The following BMPR1B variants were observed in gnomAD, a reference collection of about 807,000 sequenced individuals.
The protein encoded by BMPR1B is bone morphogenetic protein receptor type-1B.
BMPR1B carries 12 observed loss-of-function variants against 59.1 expected under a neutral mutation model. The ratio of observed to expected loss-of-function variants is 0.20; its 90% CI spans 0.13 to 0.33. The LOEUF (loss-of-function observed/expected upper bound fraction) is 0.33, where lower values mean the gene tolerates loss of function less well. Among genes scored for constraint, BMPR1B ranks in the 10% least tolerant of loss-of-function variants. The pLI is 1.00. For synonymous variants in BMPR1B, 237 were observed against 207.3 expected (o/e 1.14, Z -1.23); for missense variants, 550 against 610.9 (o/e 0.90, Z 1.05).
In BMPR1B at chr4:94,890,147, T is replaced by C. The variant is rs551181916; in HGVS notation, c.-113+14247T>C. 2.6e-5 allele frequency among the ~76,000 whole-genome samples: 4 copies of C among 152,204 alleles called. No individual in the cohort carries two copies. The East Asian group carries it at 7.8e-4, about 30-fold the overall frequency. Reference sequence around the variant, plus strand: ...TGGTCAAGGGATTTATTATGAAATGTACTAAATCTTGGCGTGGAGCTAATT... The same window carrying C: ...TGGTCAAGGGATTTATTATGAAATGCACTAAATCTTGGCGTGGAGCTAATT... On this transcript the variant is annotated intron_variant, in intron 2 of 12. Transcript: ENST00000515059.
chr4:95,155,158 TGGAGGA>T lies in BMPR1B; in HGVS notation c.*486_*491del. 5.7e-6 allele frequency: 1 copy of T among 175,946 alleles called. No individual in the cohort carries two copies. The highest frequency in any genetic ancestry group is 1.3e-4 in the South Asian group (1 of 7,662). The allele number at this position is 175,946 out of a possible 1,614,324, so 10.9% of individuals were successfully genotyped here. On this transcript the variant is annotated 3_prime_UTR_variant, in exon 13 of 13. Coordinates refer to ENST00000515059, the MANE Select transcript of BMPR1B (RefSeq NM_001203.3). ...CTGTGAACCAAAAGACAGTCTAAGTTGGAGGACATAGAACGGAACTCATCTTAAACA... is the reference window on the plus strand; with the variant it reads ...CTGTGAACCAAAAGACAGTCTAAGTTCATAGAACGGAACTCATCTTAAACA...
At chr4:94,907,797 C>G (rs756262149) in intron 2 of BMPR1B, among the ~76,000 whole-genome samples, 4 of 151,784 alleles carry the variant, frequency 2.6e-5, no homozygotes, top group Non-Finnish European at 5.9e-5. Flanking sequence ...TGGGAAACCT[C>G]TGTGTCCTCA....
chr4:94,837,495 TG>T (rs1274358710), intron 1 of BMPR1B, among the ~76,000 whole-genome samples: 1 of 145,358 alleles, frequency 6.9e-6, no homozygotes, highest in Non-Finnish European at 1.5e-5. Flanking sequence ...GTTGGATTCC[TG>T]GGTATTTTAT....
At chr4:95,055,408 A>C (rs1418206019) in intron 3 of BMPR1B, among the ~76,000 whole-genome samples, 1 of 152,194 alleles carries the variant, frequency 6.6e-6, no homozygotes, top group East Asian at 1.9e-4. Context: ...GTTTTTGGTA[A>C]TATTTTAAGT....
rs1733184595 is a variant in BMPR1B, at chr4:95,129,832, A to G, written c.586-30A>G. ...TAAACAAATCTGTAGCGCTGTGAATACACTAACAGTGTGTTTTGGGATTTC... is the reference window on the plus strand; with the variant it reads ...TAAACAAATCTGTAGCGCTGTGAATGCACTAACAGTGTGTTTTGGGATTTC... On this transcript the variant is annotated intron_variant, in intron 8 of 12. Transcript: ENST00000515059. 5.6e-6 allele frequency: 9 copies of G among 1,606,202 alleles called. No individual in the cohort carries two copies. In the East Asian group the frequency reaches 1.1e-4, roughly 20 times the overall value.
intron 2 of BMPR1B, among the ~76,000 whole-genome samples, chr4:94,944,655 A>G (rs1000078561): frequency 1.3e-5 from 2 of 152,182 alleles, no homozygotes; most frequent in African/African-American, 4.8e-5. Flanking sequence ...GATGATGTTT[A>G]TACTTTTTGG....
intron 1 of BMPR1B, among the ~76,000 whole-genome samples, chr4:94,776,371 G>C (rs1722370627): frequency 6.6e-6 from 1 of 152,190 alleles, no homozygotes; most frequent in South Asian, 2.1e-4. Flanking sequence ...ATTTGAGACA[G>C]CTTTCTTGAT....
At position 94,836,777 on chromosome 4, in the gene BMPR1B, T is replaced by C. The variant is rs181589945; in HGVS notation, c.-182-39054T>C. On this transcript the variant is annotated intron_variant, in intron 1 of 12. Transcript: ENST00000515059. Reference sequence around the variant, plus strand: ...CTTTATTTTAATTAGATCCCATTTGTCAATTTTGTCTTCTGTTGCCATTCC... The same window carrying C: ...CTTTATTTTAATTAGATCCCATTTGCCAATTTTGTCTTCTGTTGCCATTCC... Among the ~76,000 whole-genome samples the C allele has an allele frequency of 8.2e-4, 121 of 148,046 alleles. 9 individuals are homozygous for C. The highest frequency in any genetic ancestry group is 2.9e-3 in the African/African-American group (117 of 40,074).
At chr4:94,871,848 A>G (rs1578744821) in intron 1 of BMPR1B, among the ~76,000 whole-genome samples, 1 of 152,224 alleles carries the variant, frequency 6.6e-6, no homozygotes, top group African/African-American at 2.4e-5. Flanking sequence ...CTTAGTTTGT[A>G]TGCATTGCTG....
intron 2 of BMPR1B, among the ~76,000 whole-genome samples, chr4:94,957,024 ACAG>A (rs1730166364): frequency 6.6e-6 from 1 of 152,220 alleles, no homozygotes; most frequent in African/African-American, 2.4e-5. Flanking sequence ...GTTGATACAC[ACAG>A]CATTCAATGA....
chr4:94,827,331 C>T (rs1166169913), intron 1 of BMPR1B, among the ~76,000 whole-genome samples: 1 of 151,990 alleles, frequency 6.6e-6, no homozygotes, highest in East Asian at 1.9e-4. Context: ...TGTATATATA[C>T]TTTGTTTATA....
intron 1 of BMPR1B, among the ~76,000 whole-genome samples, chr4:94,825,402 G>C (rs1231377458): frequency 6.6e-6 from 1 of 152,144 alleles, no homozygotes; most frequent in Admixed American, 6.5e-5. Context: ...CTACTCAGGA[G>C]GCAGAGGTGA....
chr4:94,780,736 T>TGGAGTG (rs1722557556), intron 1 of BMPR1B, among the ~76,000 whole-genome samples: 1 of 137,478 alleles, frequency 7.3e-6, no homozygotes, highest in Non-Finnish European at 1.5e-5. Flanking sequence ...TCGCCCAGGC[T>TGGAGTG]GGAGTGCAGT....
chr4:95,003,758 G>A (rs1722617911), intron 3 of BMPR1B, among the ~76,000 whole-genome samples: 1 of 147,208 alleles, frequency 6.8e-6, no homozygotes, highest in South Asian at 2.2e-4. Flanking sequence ...TAGCTAATCA[G>A]TGATAAGGTC....
chr4:94,813,880 C>G (rs1163922261), intron 1 of BMPR1B, among the ~76,000 whole-genome samples: 1 of 151,982 alleles, frequency 6.6e-6, no homozygotes, highest in African/African-American at 2.4e-5. Flanking sequence ...GATTTTTGGT[C>G]TGTACAACTG....
intron 6 of BMPR1B, among the ~76,000 whole-genome samples, chr4:95,122,423 G>A (rs953474816): frequency 1.3e-4 from 19 of 151,978 alleles, no homozygotes; most frequent in Non-Finnish European, 1.3e-4. Context: ...GAAATGATAA[G>A]TGTTTGAGAT....
chr4:95,053,018 A>G (rs1213267558), intron 3 of BMPR1B, among the ~76,000 whole-genome samples: 3 of 152,128 alleles, frequency 2.0e-5, no homozygotes, highest in Non-Finnish European at 4.4e-5. Flanking sequence ...ATTCTCTTTT[A>G]GCATTTTCTT....
chr4:94,970,105 T>C lies in BMPR1B; in HGVS notation c.-112-25935T>C, dbSNP rs572404531. On this transcript the variant is annotated intron_variant, in intron 2 of 12. Coordinates refer to ENST00000515059, the MANE Select transcript of BMPR1B (RefSeq NM_001203.3). The stretch of plus-strand genomic sequence containing the variant: ...TATATCTTGTTTTATTTTAAAAAGC[T>C]TTTTAAAGAATGTTTAGTAGTTTAC... 3.9e-5 allele frequency among the ~76,000 whole-genome samples: 6 copies of C among 152,302 alleles called. No homozygotes were observed. In the South Asian group the frequency reaches 8.3e-4, roughly 21 times the overall value.
chr4:95,008,275 G>A (rs772775903), intron 3 of BMPR1B, among the ~76,000 whole-genome samples: 4 of 152,148 alleles, frequency 2.6e-5, no homozygotes, highest in Non-Finnish European at 5.9e-5. Flanking sequence ...AAATGTGAGT[G>A]GAGTGAATTT....
Sources: gnomAD v4.1 joint callset for allele counts (sites outside exome capture counted in the v4.1 genomes callset) on GRCh38, gnomAD v4.1.1 for gene constraint, MANE v1.5 for transcripts, NCBI Gene and HGNC (gene_info 2026-07-23, HGNC 2026-07-21) for gene names.